The following MAP3K13 variants were observed in gnomAD, a reference collection of about 807,000 sequenced individuals.
MAP3K13 encodes mitogen-activated protein kinase kinase kinase 13.
MAP3K13 carries 52 observed loss-of-function variants against 104.0 expected under a neutral mutation model. That is an observed-to-expected ratio of 0.50 (90% CI 0.40 to 0.63). MAP3K13 has a LOEUF of 0.63. Among genes scored for constraint, MAP3K13 ranks in the 20% least tolerant of loss-of-function variants. MAP3K13 has a pLI of 0.00. For missense variants in MAP3K13, 914 were observed against 1,218.5 expected (o/e 0.75, Z 3.72); for synonymous variants, 394 against 442.2 (o/e 0.89, Z 1.37).
chr3:185,471,233 T>C (rs1717757653), intron 10 of MAP3K13, among the ~76,000 whole-genome samples: 2 of 152,078 alleles, frequency 1.3e-5, no homozygotes, highest in African/African-American at 2.4e-5. Context: ...GATATTGTCA[T>C]TATTTGGCCC....
intron 7 of MAP3K13, among the ~76,000 whole-genome samples, chr3:185,452,036 G>A (rs1715921654): frequency 6.6e-6 from 1 of 152,058 alleles, no homozygotes; most frequent in African/African-American, 2.4e-5. Flanking sequence ...CTTCAAGAAA[G>A]TATTATCTTC....
chr3:185,418,660 A>G lies in MAP3K13; in HGVS notation c.-85-9837A>G. The stretch of plus-strand genomic sequence containing the variant: ...GTTGTTTTTGCGCAAGTTGGTGTGA[A>G]CAAAGTTCACAATATCTGGTCGAAT... On this transcript the variant is annotated intron_variant, in intron 1 of 13. Coordinates refer to ENST00000265026, the MANE Select transcript of MAP3K13 (RefSeq NM_004721.5). This position sits in a 1 kb window ranked among gnomAD's most constrained non-coding sequence, Gnocchi z 4.5. The G allele has an allele frequency of 2.5e-6, 4 of 1,611,624 alleles. No homozygotes were observed. Among genetic ancestry groups the G allele is most frequent in the Non-Finnish European group, 3.4e-6 (4 of 1,178,970 alleles).
chr3:185,456,584 G>C (rs1716761065), intron 7 of MAP3K13, among the ~76,000 whole-genome samples: 1 of 147,094 alleles, frequency 6.8e-6, no homozygotes, highest in Non-Finnish European at 1.5e-5. Flanking sequence ...TGCAATCACA[G>C]CTTTGCTTCT....
chr3:185,455,799 G>C (rs1227281147), intron 7 of MAP3K13, among the ~76,000 whole-genome samples: 1 of 52,444 alleles, frequency 1.9e-5, no homozygotes, highest in Non-Finnish European at 3.7e-5. Flanking sequence ...ATATATATGA[G>C]ATATATGAGA....
chr3:185,303,126 A>G (rs776134046), intron 2 of MAP3K13, among the ~76,000 whole-genome samples: 25 of 152,156 alleles, frequency 1.6e-4, no homozygotes, highest in Non-Finnish European at 3.1e-4. Flanking sequence ...TTAATGTGGT[A>G]TATTATATTG....
chr3:185,379,436 G>A (rs1043506039), intron 1 of MAP3K13, among the ~76,000 whole-genome samples: 2 of 152,230 alleles, frequency 1.3e-5, no homozygotes, highest in Non-Finnish European at 2.9e-5. Flanking sequence ...GGTTGGAGAA[G>A]AGAGTAAAAA....
chr3:185,442,458 C>T (rs1375921573), intron 3 of MAP3K13, among the ~76,000 whole-genome samples: 1 of 151,860 alleles, frequency 6.6e-6, no homozygotes, highest in East Asian at 1.9e-4. Flanking sequence ...GAAGTATTTT[C>T]TCTGAATTAT....
intron 5 of MAP3K13, among the ~76,000 whole-genome samples, chr3:185,448,440 T>TA (rs982077869): frequency 2.1e-4 from 32 of 151,786 alleles, no homozygotes; most frequent in Admixed American, 1.1e-3. Context: ...GGCTATGCTT[T>TA]AAAAAAAAAT....
At chr3:185,349,069 C>A (rs1354654406) in intron 2 of MAP3K13, among the ~76,000 whole-genome samples, 5 of 151,918 alleles carry the variant, frequency 3.3e-5, no homozygotes, top group Non-Finnish European at 5.9e-5. Flanking sequence ...GAACTAGGAA[C>A]AAGCAGCAGC....
intron 2 of MAP3K13, among the ~76,000 whole-genome samples, chr3:185,353,808 T>C (rs1299809957): frequency 2.0e-5 from 3 of 152,232 alleles, no homozygotes; most frequent in African/African-American, 7.2e-5. Flanking sequence ...TTGGGGGAAT[T>C]GTCCCTGCTC....
intron 7 of MAP3K13, among the ~76,000 whole-genome samples, chr3:185,452,697 G>C (rs1297938048): frequency 6.6e-6 from 1 of 152,186 alleles, no homozygotes; most frequent in Non-Finnish European, 1.5e-5. Context: ...GCTGGTCCTA[G>C]GACGGTCTCA....
chr3:185,362,668 T>G (rs1361410955), upstream of MAP3K13, among the ~76,000 whole-genome samples: 1 of 152,182 alleles, frequency 6.6e-6, no homozygotes, highest in African/African-American at 2.4e-5. Flanking sequence ...CCGACAATTT[T>G]GCTTTTACAA....
Position 185,429,145 on chromosome 3 carries a change from C to A in MAP3K13, c.475+89C>A, listed in dbSNP as rs560291370. On this transcript the variant is annotated intron_variant, in intron 2 of 13. Coordinates refer to ENST00000265026, the MANE Select transcript of MAP3K13 (RefSeq NM_004721.5). ...CCACCATTAGCTGGATAACCTATGA[C>A]CTTTGGGCAAATTAAAGAACTAGTG... 9.5e-6 allele frequency: 12 copies of A among 1,257,310 alleles called. No individual in the cohort carries two copies. In the South Asian group the frequency reaches 1.0e-4, roughly 11 times the overall value. 77.9% of individuals were successfully genotyped at this position (1,257,310 alleles called of 1,614,324 possible).
intron 7 of MAP3K13, among the ~76,000 whole-genome samples, chr3:185,463,103 T>C (rs1717206620): frequency 6.6e-6 from 1 of 152,236 alleles, no homozygotes; most frequent in African/African-American, 2.4e-5. Flanking sequence ...CTCAAGATAC[T>C]TTCCCAAACA....
At chr3:185,298,405 G>T (rs1326990049) in intron 2 of MAP3K13, among the ~76,000 whole-genome samples, 1 of 152,078 alleles carries the variant, frequency 6.6e-6, no homozygotes, top group Non-Finnish European at 1.5e-5. Flanking sequence ...GAACACCACA[G>T]AACCATTAAA....
rs1721037931 is a variant in MAP3K13 at position 185,299,807 on chromosome 3, CCACCCGCCTCGG to C, written c.-86+14166_-86+14177del. On this transcript the variant is annotated intron_variant, in intron 2 of 14. Transcript: ENST00000424227. Reference sequence around the variant, plus strand: ...GGTCTCGATCTCCTGACCTCATGATCCACCCGCCTCGGCCTCCCAAAGTGCTGGGATTACAGG... The same window carrying C: ...GGTCTCGATCTCCTGACCTCATGATCCCTCCCAAAGTGCTGGGATTACAGG... 1.5e-5 allele frequency among the ~76,000 whole-genome samples: 2 copies of C among 129,914 alleles called. 1 individual carries two copies. The highest frequency in any genetic ancestry group is 5.5e-4 in the South Asian group (2 of 3,622). The allele number at this position is 129,914 out of a possible 152,430, so 85.2% of individuals were successfully genotyped here. A position where few individuals can be genotyped will look rare whatever the true frequency, so the allele number is the denominator to read the frequency against.
chr3:185,398,916 A>G (rs1458802345), intron 1 of MAP3K13, among the ~76,000 whole-genome samples: 1 of 152,268 alleles, frequency 6.6e-6, no homozygotes, highest in Non-Finnish European at 1.5e-5. Context: ...GTTGATTGTC[A>G]TTACAGCTAA....
chr3:185,303,326 G>A (rs77036759), intron 2 of MAP3K13, among the ~76,000 whole-genome samples: 12,699 of 152,104 alleles, frequency 0.083, 698 homozygotes, highest in East Asian at 0.2. Flanking sequence ...TAGTATCAGG[G>A]TAGTGGTAAT....
intron 2 of MAP3K13, among the ~76,000 whole-genome samples, chr3:185,433,319 T>G (rs541987424): frequency 1.3e-5 from 2 of 152,242 alleles, no homozygotes; most frequent in East Asian, 3.9e-4. Flanking sequence ...GAAGATAAAA[T>G]TGAAGATAAA....
Sources: allele counts gnomAD v4.1 joint callset (sites outside exome capture counted in the v4.1 genomes callset), GRCh38; gene constraint gnomAD v4.1.1; non-coding constraint Gnocchi (gnomAD v3.1); transcripts MANE v1.5; gene names NCBI Gene and HGNC (gene_info 2026-07-23, HGNC 2026-07-21).